The following LRRC53 variants were observed in gnomAD, a reference collection of about 807,000 sequenced individuals.
LRRC53 encodes the protein leucine rich repeat containing 53.
Under a neutral mutation model 13.6 loss-of-function variants are expected in LRRC53, and 25 were observed. The ratio of observed to expected loss-of-function variants is 1.83; its 90% confidence interval spans 1.34 to 2.56. The LOEUF is 2.56. Ranked by LOEUF, LRRC53 falls within the 30% of genes most tolerant of loss-of-function variation. The probability of loss-of-function intolerance (pLI) is 0.00; values close to 1 mark genes in which losing one functional copy is unlikely to be tolerated. For synonymous variants in LRRC53, 204 were observed against 109.8 expected, an observed-to-expected ratio of 1.86 and a Z score of -5.37; for missense variants, 527 against 275.8, an observed-to-expected ratio of 1.91 and a Z score of -6.45.
upstream of LRRC53, among the ~76,000 whole-genome samples, chr1:74,516,642 A>G (rs1388043248): frequency 6.6e-6 from 1 of 152,176 alleles, no homozygotes; most frequent in Non-Finnish European, 1.5e-5. Flanking sequence ...TGGGACCTCA[A>G]CAGTAAGTGG....
At chr1:74,516,719 C>A (rs1646353402), upstream of LRRC53, among the ~76,000 whole-genome samples, 1 of 152,134 alleles carries the variant, frequency 6.6e-6, no homozygotes, top group South Asian at 2.1e-4. Context: ...TGTATATTCC[C>A]CATCACTAAT....
chr1:74,518,701 T>A, the LRRC53 span, among the ~76,000 whole-genome samples: 1 of 152,176 alleles, frequency 6.6e-6, no homozygotes, highest in African/African-American at 2.4e-5. Context: ...AGCTCAAAAT[T>A]ATTATATTAG....
At chr1:74,492,501 G>A (rs1024451049) in intron 1 of LRRC53, among the ~76,000 whole-genome samples, 15 of 152,040 alleles carry the variant, frequency 9.9e-5, no homozygotes, top group African/African-American at 3.1e-4. Flanking sequence ...AGTAAGACAC[G>A]TCTATTTCAG....
At chr1:74,509,697 T>C (rs17095483) in intron 1 of LRRC53, among the ~76,000 whole-genome samples, 12,680 of 151,182 alleles carry the variant, frequency 0.084, 1,292 homozygotes, top group African/African-American at 0.25. Flanking sequence ...TTGTGTTTGA[T>C]TTTGAAAGGT....
the LRRC53 span, among the ~76,000 whole-genome samples, chr1:74,524,500 G>T: frequency 7.9e-5 from 12 of 152,166 alleles, no homozygotes; most frequent in Admixed American, 6.5e-4. Context: ...TTAAAAAATT[G>T]CACAGGAAAA....
At chr1:74,528,251 G>A in the LRRC53 span, among the ~76,000 whole-genome samples, 595 of 152,284 alleles carry the variant, frequency 3.9e-3, 5 homozygotes, top group Middle Eastern at 0.014. Flanking sequence ...GAAGGTGTAC[G>A]TGTGGGCAGG....
chr1:74,491,865 G>A (rs562733175), intron 1 of LRRC53, among the ~76,000 whole-genome samples: 1 of 152,226 alleles, frequency 6.6e-6, no homozygotes, highest in Admixed American at 6.5e-5. Flanking sequence ...AGAAAGATGA[G>A]CATAAATTTA....
the LRRC53 span, among the ~76,000 whole-genome samples, chr1:74,534,138 A>G: frequency 6.6e-6 from 1 of 152,082 alleles, no homozygotes; most frequent in Non-Finnish European, 1.5e-5. Flanking sequence ...AGTATAAGCA[A>G]TTATTATTAT....
At chr1:74,501,465 T>C (rs888357456) in intron 1 of LRRC53, among the ~76,000 whole-genome samples, 2 of 147,358 alleles carry the variant, frequency 1.4e-5, no homozygotes, top group South Asian at 2.2e-4. Flanking sequence ...GGAGGGTTTT[T>C]TTTGTTTTGT....
At chr1:74,522,775 T>C in the LRRC53 span, among the ~76,000 whole-genome samples, 1 of 152,160 alleles carries the variant, frequency 6.6e-6, no homozygotes, top group Non-Finnish European at 1.5e-5. Context: ...CTGGTGTATT[T>C]CTTAGGTTGA....
intron 1 of LRRC53, among the ~76,000 whole-genome samples, chr1:74,496,676 T>C (rs1484885260): frequency 6.6e-6 from 1 of 152,198 alleles, no homozygotes; most frequent in East Asian, 1.9e-4. Flanking sequence ...TCTCCACAGA[T>C]AATAGGAATT....
intron 1 of LRRC53, among the ~76,000 whole-genome samples, chr1:74,500,476 C>T (rs1419185366): frequency 2.0e-5 from 3 of 150,084 alleles, no homozygotes; most frequent in African/African-American, 7.3e-5. Context: ...TAGTGGCGGG[C>T]GCCTGTAGTC....
chr1:74,525,588 A>T, the LRRC53 span, among the ~76,000 whole-genome samples: 1 of 152,234 alleles, frequency 6.6e-6, no homozygotes, highest in Non-Finnish European at 1.5e-5. Context: ...CTCTGTGCCC[A>T]AATGCCAAGG....
the LRRC53 span, among the ~76,000 whole-genome samples, chr1:74,524,578 G>C: frequency 6.6e-6 from 1 of 152,108 alleles, no homozygotes; most frequent in Non-Finnish European, 1.5e-5. Flanking sequence ...CATTTTTCTT[G>C]GTTCTAAGAG....
chr1:74,474,595 A>G (rs1668099476), intron 4 of LRRC53, among the ~76,000 whole-genome samples: 1 of 152,162 alleles, frequency 6.6e-6, no homozygotes, highest in African/African-American at 2.4e-5. Context: ...TTTACAGAGC[A>G]GCTGTCAACA....
the LRRC53 span, among the ~76,000 whole-genome samples, chr1:74,534,846 T>C: frequency 6.6e-6 from 1 of 152,154 alleles, no homozygotes; most frequent in Non-Finnish European, 1.5e-5. Flanking sequence ...TCTCTACAGT[T>C]TCCTCTGCTT....
In LRRC53 at chr1:74,480,908, C is replaced by T; in HGVS notation, c.149G>A (p.Ser50Asn). 1.4e-6 allele frequency: 1 copy of T among 717,380 alleles called. No homozygotes were observed. The highest frequency in any genetic ancestry group is 2.6e-6 in the Non-Finnish European group (1 of 385,082). The allele number at this position is 717,380 out of a possible 1,614,324, so 44.4% of individuals were successfully genotyped here. Residue 50 changes from serine to asparagine, a missense_variant, in exon 3 of 5, where the codon AGC becomes AAC. Ser to Asn is a conservative substitution (Grantham distance 46). Coordinates refer to ENST00000294635, the MANE Select transcript of LRRC53 (RefSeq NM_001382280.1). ...ATTAAACAAGAGAGACAGGTTTGTG[C>T]TCTCAATAGAGGAGAGATATCCATC... is the stretch of plus-strand genomic sequence containing the variant. ...ITDGYLSSIE[S>N]TNLSLLFNLA... is the part of the protein sequence containing the mutation.
At chr1:74,482,259 A>G (rs764208023) in intron 2 of LRRC53, among the ~76,000 whole-genome samples, 9 of 152,166 alleles carry the variant, frequency 5.9e-5, no homozygotes, top group Non-Finnish European at 1.3e-4. Flanking sequence ...CTCACAATTC[A>G]TCCATTTTAT....
chr1:74,499,480 A>G (rs1669498354), intron 1 of LRRC53, among the ~76,000 whole-genome samples: 2 of 152,162 alleles, frequency 1.3e-5, no homozygotes, highest in African/African-American at 2.4e-5. Context: ...CTATTTTATT[A>G]TTAATTATTG....
Sources: allele counts gnomAD v4.1 joint callset (sites outside exome capture counted in the v4.1 genomes callset), GRCh38; gene constraint gnomAD v4.1.1; transcripts MANE v1.5; gene names NCBI Gene and HGNC (gene_info 2026-07-23, HGNC 2026-07-21).